The following NTRK2 variants were observed in gnomAD, a reference collection of about 807,000 sequenced individuals.
NTRK2 encodes the protein BDNF/NT-3 growth factors receptor.
Under a neutral mutation model 94.5 loss-of-function variants are expected in NTRK2, and 13 were observed. The observed-to-expected ratio is 0.14, with a 90% CI of 0.09 to 0.22. NTRK2 has a LOEUF of 0.22. NTRK2 is among the 10% of genes least tolerant of loss of function. The pLI is 1.00. For missense variants in NTRK2, 639 were observed against 1,071.2 expected, an observed-to-expected ratio of 0.60 and a Z score of 5.63; for synonymous variants, 372 against 407.4, an observed-to-expected ratio of 0.91 and a Z score of 1.05.
intron 14 of NTRK2, chr9:84,873,885 A>T (rs1015459183): frequency 9.4e-7 from 1 of 1,061,236 alleles, no homozygotes; most frequent in Non-Finnish European, 1.1e-6. Flanking sequence ...AATAAAGATT[A>T]TGGATTTAGG....
intron 2 of NTRK2, among the ~76,000 whole-genome samples, chr9:84,699,335 C>A (rs147861331): frequency 2.8e-4 from 43 of 152,242 alleles, no homozygotes; most frequent in African/African-American, 1.0e-3. Context: ...TGCTCCTGGC[C>A]CTTGCTAAAC....
chr9:84,857,132 A>T (rs2131951834), intron 12 of NTRK2, among the ~76,000 whole-genome samples: 1 of 151,044 alleles, frequency 6.6e-6, no homozygotes, highest in Admixed American at 6.6e-5. Flanking sequence ...TATTTTATTT[A>T]ATTTGAATTC....
chr9:84,983,891 T>A (rs1201777437), intron 17 of NTRK2, among the ~76,000 whole-genome samples: 2 of 152,116 alleles, frequency 1.3e-5, no homozygotes, highest in African/African-American at 2.4e-5. Flanking sequence ...TGTCTGACAA[T>A]TATGGTGGAA....
intron 14 of NTRK2, among the ~76,000 whole-genome samples, chr9:84,902,534 G>A (rs2076961733): frequency 6.6e-6 from 1 of 152,126 alleles, no homozygotes; most frequent in Admixed American, 6.5e-5. Context: ...TAAATAATGA[G>A]TATACACTGG....
At chr9:84,944,559 G>T (rs1218465114) in intron 15 of NTRK2, among the ~76,000 whole-genome samples, 1 of 152,208 alleles carries the variant, frequency 6.6e-6, no homozygotes, top group African/African-American at 2.4e-5. Flanking sequence ...AAAAAGATAG[G>T]CATGTGCCTT....
chr9:84,957,044 C>T (rs17087951), intron 17 of NTRK2, among the ~76,000 whole-genome samples: 13,755 of 152,160 alleles, frequency 0.09, 723 homozygotes, highest in African/African-American at 0.13. Flanking sequence ...CGTGGGGAGA[C>T]TTTACCTACC....
intron 12 of NTRK2, among the ~76,000 whole-genome samples, chr9:84,851,098 CT>C (rs1285585571): frequency 6.6e-6 from 1 of 152,130 alleles, no homozygotes; most frequent in Non-Finnish European, 1.5e-5. Flanking sequence ...TGACCTCTGC[CT>C]GTTAGATGCT....
At chr9:84,862,666 G>A (rs1268280902) in intron 13 of NTRK2, among the ~76,000 whole-genome samples, 2 of 152,194 alleles carry the variant, frequency 1.3e-5, no homozygotes, top group African/African-American at 4.8e-5. Flanking sequence ...AGAAGATAGT[G>A]TGTCACTCGT....
intron 9 of NTRK2, among the ~76,000 whole-genome samples, chr9:84,740,854 T>A (rs1170474604): frequency 1.3e-5 from 2 of 152,238 alleles, no homozygotes; most frequent in African/African-American, 4.8e-5. Flanking sequence ...GGGGAATGCA[T>A]GAACAGAAAA....
At chr9:84,774,386 C>T (rs994713914) in intron 12 of NTRK2, among the ~76,000 whole-genome samples, 1 of 152,194 alleles carries the variant, frequency 6.6e-6, no homozygotes, top group African/African-American at 2.4e-5. Flanking sequence ...GTCTCCATGT[C>T]TGGCACTTCA....
At chr9:84,860,946 A>C in intron 12 of NTRK2, 94 bp from the exon 13 acceptor site, 1 of 596,220 alleles carries the variant, frequency 1.7e-6, no homozygotes. Flanking sequence ...TGTCGGGGGG[A>C]GTTTGTTGCA....
At chr9:84,699,822 T>C (rs897203067) in intron 2 of NTRK2, among the ~76,000 whole-genome samples, 11 of 152,216 alleles carry the variant, frequency 7.2e-5, no homozygotes, top group African/African-American at 2.7e-4. Flanking sequence ...CCCCTGTCTT[T>C]CTCTCCTCTA....
intron 12 of NTRK2, among the ~76,000 whole-genome samples, chr9:84,777,397 G>T (rs1052439285): frequency 2.0e-5 from 3 of 152,176 alleles, no homozygotes; most frequent in Non-Finnish European, 2.9e-5. Flanking sequence ...CAGTAGTCTT[G>T]TTGTCCCTAA....
At chr9:84,821,691 T>C (rs928287066) in intron 12 of NTRK2, among the ~76,000 whole-genome samples, 2 of 152,120 alleles carry the variant, frequency 1.3e-5, no homozygotes, top group Non-Finnish European at 2.9e-5. Flanking sequence ...AAACTTCCAT[T>C]TTCCAGGGTT....
chr9:84,824,246 G>A (rs1253936953), intron 12 of NTRK2, among the ~76,000 whole-genome samples: 1 of 152,180 alleles, frequency 6.6e-6, no homozygotes, highest in Non-Finnish European at 1.5e-5. Flanking sequence ...GCACTGCAGG[G>A]CACACAATGG....
At chr9:84,752,215 C>G in intron 12 of NTRK2, 130 bp downstream of exon 12, 1 of 762,984 alleles carries the variant, frequency 1.3e-6, no homozygotes, top group Non-Finnish European at 2.3e-6. Flanking sequence ...AAAATAGCAA[C>G]AAGGCTTTGA....
intron 17 of NTRK2, among the ~76,000 whole-genome samples, chr9:84,982,600 C>T (rs975236973): frequency 6.6e-6 from 1 of 152,142 alleles, no homozygotes; most frequent in Non-Finnish European, 1.5e-5. Flanking sequence ...GTCCCAACAT[C>T]TTCATTTAGC....
chr9:84,957,237 T>G (rs1053748704), intron 17 of NTRK2, among the ~76,000 whole-genome samples: 1 of 152,194 alleles, frequency 6.6e-6, no homozygotes, highest in African/African-American at 2.4e-5. Flanking sequence ...GGGTTCAACG[T>G]GCCTGGCACA....
chr9:84,691,190 T>C lies in NTRK2; in HGVS notation c.213-10969T>C, dbSNP rs114380577. 6.0e-3 allele frequency among the ~76,000 whole-genome samples: 919 copies of C among 152,342 alleles called. 12 individuals are homozygous for C. The highest frequency in any genetic ancestry group is 0.021 in the African/African-American group (881 of 41,566). Reference sequence around the variant, plus strand: ...AACACAGATTTGTCTGGCAGTGTATTCCAAAAGGAATTTCTTTTGCAGGAA... The same window carrying C: ...AACACAGATTTGTCTGGCAGTGTATCCCAAAAGGAATTTCTTTTGCAGGAA... On this transcript the variant is annotated intron_variant, in intron 2 of 18. Transcript: ENST00000277120.
Sources: gnomAD v4.1 joint callset for allele counts (sites outside exome capture counted in the v4.1 genomes callset) on GRCh38, gnomAD v4.1.1 for gene constraint, MANE v1.5 for transcripts, NCBI Gene and HGNC (gene_info 2026-07-23, HGNC 2026-07-21) for gene names.